OLFM3: variants seen among roughly 807,000 people sequenced by gnomAD.
OLFM3 encodes the protein noelin-3.
In OLFM3, 20 loss-of-function variants were observed where a neutral mutation model predicts 48.6. The observed-to-expected ratio is 0.41, with a 90% CI of 0.29 to 0.60. The LOEUF (loss-of-function observed/expected upper bound fraction) is 0.60, where lower values mean the gene tolerates loss of function less well. Ranked by LOEUF, OLFM3 falls within the 20% of genes least tolerant of loss-of-function variation. The probability of loss-of-function intolerance (pLI) is 0.28; values close to 1 mark genes in which losing one functional copy is unlikely to be tolerated. For missense variants in OLFM3, 437 were observed against 544.3 expected (o/e 0.80, Z 1.96); for synonymous variants, 222 against 198.1 (o/e 1.12, Z -1.01).
intron 1 of OLFM3, among the ~76,000 whole-genome samples, chr1:101,950,757 T>A (rs1017158587): frequency 6.6e-6 from 1 of 152,194 alleles, no homozygotes; most frequent in African/African-American, 2.4e-5. Flanking sequence ...TCTGTATTTT[T>A]AAAAATTTAC....
chr1:101,954,679 T>C (rs1436694477), intron 1 of OLFM3, among the ~76,000 whole-genome samples: 2 of 152,088 alleles, frequency 1.3e-5, no homozygotes, highest in Non-Finnish European at 2.9e-5. Flanking sequence ...AATAACAGTG[T>C]TTCTAATGTT....
At chr1:101,875,102 A>G (rs962171525) in intron 1 of OLFM3, among the ~76,000 whole-genome samples, 1 of 152,042 alleles carries the variant, frequency 6.6e-6, no homozygotes, top group African/African-American at 2.4e-5. Flanking sequence ...AATTAAATTC[A>G]CTGTTAATGA....
intron 1 of OLFM3, among the ~76,000 whole-genome samples, chr1:101,956,051 T>C (rs1660278551): frequency 1.3e-5 from 2 of 151,332 alleles, no homozygotes. Flanking sequence ...GATTTTTTCT[T>C]GCATCTGTCA....
At chr1:101,808,470 A>C (rs1653887913) in intron 4 of OLFM3, among the ~76,000 whole-genome samples, 1 of 151,870 alleles carries the variant, frequency 6.6e-6, no homozygotes, top group Non-Finnish European at 1.5e-5. Flanking sequence ...TCAGAAACAT[A>C]AGTAGAAAGA....
chr1:101,958,996 T>C (rs960869875), intron 1 of OLFM3, among the ~76,000 whole-genome samples: 1 of 151,944 alleles, frequency 6.6e-6, no homozygotes, highest in Non-Finnish European at 1.5e-5. Context: ...TTTGCAGAAC[T>C]TATTCCTCCT....
At chr1:101,983,744 A>G (rs1398547461) in intron 1 of OLFM3, among the ~76,000 whole-genome samples, 2 of 152,242 alleles carry the variant, frequency 1.3e-5, no homozygotes, top group Non-Finnish European at 2.9e-5. Flanking sequence ...TTAAATAAGC[A>G]AACTATACAA....
rs751459235 is a variant in OLFM3, at chr1:101,940,700, T to TTA, written c.69+56046_69+56047dup. The stretch of plus-strand genomic sequence containing the variant: ...CCCAGCTATATATATATATCCAGTT[T>TTA]TATATATATATATATCTTTGTATAT... On this transcript the variant is annotated intron_variant, in intron 1 of 5. Coordinates refer to ENST00000370103, the MANE Select transcript of OLFM3 (RefSeq NM_058170.4). 7.3e-3 allele frequency among the ~76,000 whole-genome samples: 1,083 copies of TTA among 148,890 alleles called. 11 individuals carry two copies. The highest frequency in any genetic ancestry group is 0.022 in the African/African-American group (909 of 40,686).
intron 1 of OLFM3, among the ~76,000 whole-genome samples, chr1:101,842,899 T>G (rs1655798650): frequency 6.6e-6 from 1 of 152,236 alleles, no homozygotes; most frequent in Admixed American, 6.5e-5. Flanking sequence ...TCATATTCTC[T>G]GTCACCATCA....
At chr1:101,958,674 A>T (rs2101080357) in intron 1 of OLFM3, among the ~76,000 whole-genome samples, 1 of 152,214 alleles carries the variant, frequency 6.6e-6, no homozygotes, top group South Asian at 2.1e-4. Flanking sequence ...AATTTCCTGT[A>T]TAAAATGTAT....
intron 1 of OLFM3, among the ~76,000 whole-genome samples, chr1:101,956,484 C>T (rs1482500171): frequency 1.3e-5 from 2 of 151,822 alleles, no homozygotes; most frequent in Non-Finnish European, 3.0e-5. Context: ...TCTACCCTCA[C>T]CTTCTCTTCT....
At chr1:101,844,323 G>A (rs1283473404) in intron 1 of OLFM3, among the ~76,000 whole-genome samples, 2 of 152,136 alleles carry the variant, frequency 1.3e-5, no homozygotes, top group East Asian at 3.9e-4. Flanking sequence ...TACTTTAAAG[G>A]ATGAAGGTGT....
chr1:101,969,754 C>T (rs1331830516), intron 1 of OLFM3, among the ~76,000 whole-genome samples: 2 of 151,984 alleles, frequency 1.3e-5, no homozygotes, highest in Non-Finnish European at 2.9e-5. Flanking sequence ...CCGTCCATAC[C>T]ATCACTAAGA....
chr1:101,963,372 A>T (rs993653203), intron 1 of OLFM3, among the ~76,000 whole-genome samples: 1 of 152,108 alleles, frequency 6.6e-6, no homozygotes, highest in Non-Finnish European at 1.5e-5. Context: ...ACTGCAGTAA[A>T]CTTTGACTGG....
intron 4 of OLFM3, among the ~76,000 whole-genome samples, chr1:101,815,815 C>T (rs150670048): frequency 2.4e-3 from 359 of 152,234 alleles, no homozygotes; most frequent in Non-Finnish European, 4.2e-3. Flanking sequence ...AACAGATACT[C>T]CTTTGAGTTT....
chr1:101,951,150 C>G (rs1570659774), intron 1 of OLFM3, among the ~76,000 whole-genome samples: 3 of 152,236 alleles, frequency 2.0e-5, no homozygotes, highest in Admixed American at 2.0e-4. Context: ...TTTTCCTATT[C>G]TAATTTATTT....
chr1:101,849,829 C>T (rs934080258), intron 1 of OLFM3, among the ~76,000 whole-genome samples: 3 of 151,980 alleles, frequency 2.0e-5, no homozygotes, highest in African/African-American at 7.3e-5. Flanking sequence ...GGATGATGAG[C>T]GTCAATCATC....
intron 4 of OLFM3, among the ~76,000 whole-genome samples, chr1:101,816,589 G>C (rs1224730578): frequency 6.6e-6 from 1 of 152,128 alleles, no homozygotes; most frequent in Non-Finnish European, 1.5e-5. Context: ...TAGGAAGCCT[G>C]GTTTCAAATC....
intron 1 of OLFM3, among the ~76,000 whole-genome samples, chr1:101,976,091 G>A (rs1660945151): frequency 6.6e-6 from 1 of 152,132 alleles, no homozygotes. Flanking sequence ...ATTAAGACAT[G>A]AAAGTCTCCA....
At chr1:101,886,737 A>T (rs925805273) in intron 1 of OLFM3, among the ~76,000 whole-genome samples, 4 of 152,134 alleles carry the variant, frequency 2.6e-5, no homozygotes, top group Non-Finnish European at 4.4e-5. Context: ...CAATTAAAAC[A>T]TCACCATATG....
Sources: gnomAD v4.1 joint callset for allele counts (sites outside exome capture counted in the v4.1 genomes callset) on GRCh38, gnomAD v4.1.1 for gene constraint, MANE v1.5 for transcripts, NCBI Gene and HGNC (gene_info 2026-07-23, HGNC 2026-07-21) for gene names.